Variants in UGT1A10 observed in about 807,000 individuals in gnomAD.
UGT1A10 encodes the protein UDP glucuronosyltransferase family 1 member A10, also known as UDP-glucuronosyltransferase 1A10.
UGT1A10 carries 49 observed loss-of-function variants against 45.8 expected under a neutral mutation model. That is an observed-to-expected ratio of 1.07 (90% CI 0.85 to 1.36). The LOEUF (loss-of-function observed/expected upper bound fraction) is 1.36, where lower values mean the gene tolerates loss of function less well. Ranked by LOEUF, UGT1A10 falls within the 40% of genes most tolerant of loss-of-function variation. UGT1A10 has a pLI of 0.00. For missense variants in UGT1A10, 745 were observed against 668.6 expected, an observed-to-expected ratio of 1.11 and a Z score of -1.26; for synonymous variants, 284 against 249.7, an observed-to-expected ratio of 1.14 and a Z score of -1.29.
intron 1 of UGT1A10, chr2:233,729,916 G>A (rs2077948862): frequency 6.2e-7 from 1 of 1,614,016 alleles, no homozygotes; most frequent in African/African-American, 1.3e-5. Flanking sequence ...CTTTGTGATG[G>A]ACTACCCCAG....
intron 1 of UGT1A10, chr2:233,760,489 A>C (rs756552149): frequency 6.2e-7 from 1 of 1,614,268 alleles, no homozygotes; most frequent in East Asian, 2.2e-5. Context: ...CTCGTTGTAC[A>C]TCAGAGACGG....
chr2:233,713,504 T>A, intron 1 of UGT1A10: 1 of 1,614,014 alleles, frequency 6.2e-7, no homozygotes, highest in Middle Eastern at 1.7e-4. Context: ...CTGCTGTGTT[T>A]TTCTTGAGGA....
intron 1 of UGT1A10, chr2:233,718,893 T>C (rs1280624543): frequency 6.2e-7 from 1 of 1,613,958 alleles, no homozygotes; most frequent in East Asian, 2.2e-5. Context: ...TGTCCAGCCC[T>C]GGGCTGAGAG....
At chr2:233,664,724 C>T (rs780513850) in intron 1 of UGT1A10, among the ~76,000 whole-genome samples, 4 of 152,204 alleles carry the variant, frequency 2.6e-5, no homozygotes, top group Non-Finnish European at 5.9e-5. Flanking sequence ...AAACACCTCC[C>T]ACCAGGCCCC....
At chr2:233,718,023 A>C (rs1438994105) in intron 1 of UGT1A10, 4 of 389,712 alleles carry the variant, frequency 1.0e-5, no homozygotes, top group African/African-American at 4.2e-5. Flanking sequence ...CCAGCTCCCC[A>C]GGTCCTTTGG....
At chr2:233,721,730 G>T (rs1364085120) in intron 1 of UGT1A10, 2 of 416,714 alleles carry the variant, frequency 4.8e-6, no homozygotes, top group South Asian at 3.7e-5. Flanking sequence ...ACTTGGATAA[G>T]CTTAATGATG....
intron 1 of UGT1A10, among the ~76,000 whole-genome samples, chr2:233,677,554 A>T (rs1326640817): frequency 1.3e-5 from 2 of 152,206 alleles, no homozygotes; most frequent in Admixed American, 6.5e-5. Context: ...AAATGTTATT[A>T]AAAAACGTAA....
chr2:233,772,573 A>C lies in UGT1A10; in HGVS notation c.*14A>C. 1.9e-6 allele frequency: 3 copies of C among 1,610,688 alleles called. No homozygotes were observed. Among genetic ancestry groups the C allele is most frequent in the Non-Finnish European group, 2.5e-6 (3 of 1,178,166 alleles). On this transcript the variant is annotated 3_prime_UTR_variant, in exon 5 of 5. Coordinates refer to ENST00000344644, the MANE Select transcript of UGT1A10 (RefSeq NM_019075.4). ...AAGACCCATTGAGAAGTGGGTGGGA[A>C]ATAAGGTAAAATTTTGAACCATTCC...
intron 1 of UGT1A10, among the ~76,000 whole-genome samples, chr2:233,650,784 A>G (rs1258224164): frequency 6.6e-6 from 1 of 152,166 alleles, no homozygotes; most frequent in Non-Finnish European, 1.5e-5. Context: ...TCCTATTCAG[A>G]CATGTTTTAA....
In UGT1A10 at chr2:233,769,577, T is replaced by C. The variant is rs780547888; in HGVS notation, c.1295+1138T>C. 1 of 1,612,862 alleles carries C rather than the reference T, an allele frequency of 6.2e-7. No homozygotes were observed. The highest frequency in any genetic ancestry group is 1.1e-5 in the South Asian group (1 of 91,064). ...ACAGATGTGAAGAGCTGGAGCATGTTCAGATGAGAGGAGACGGAACACGGG... is the reference window on the plus strand; with the variant it reads ...ACAGATGTGAAGAGCTGGAGCATGTCCAGATGAGAGGAGACGGAACACGGG... On this transcript the variant is annotated intron_variant, in intron 4 of 4. Transcript: ENST00000344644. The surrounding 1 kb of genome is among the most constrained non-coding windows in gnomAD (Gnocchi z 4.4).
intron 1 of UGT1A10, chr2:233,747,857 C>G: frequency 6.2e-7 from 1 of 1,613,516 alleles, no homozygotes. Flanking sequence ...AGAACATGCT[C>G]TACCCTCTGG....
At chr2:233,721,562 G>T in intron 1 of UGT1A10, 1 of 161,272 alleles carries the variant, frequency 6.2e-6, no homozygotes, top group Non-Finnish European at 1.4e-5. Flanking sequence ...GTTTCTTCTG[G>T]GATATCTTTT....
rs565810764 is a variant in UGT1A10 at position 233,741,358 on chromosome 2, A to G, written c.856-25676A>G. ...GTAGTGATTTCCAACACACAAAACC[A>G]CAATGAAACTGCCCATGCCTTTCTA... On this transcript the variant is annotated intron_variant, in intron 1 of 4. Coordinates refer to ENST00000344644, the MANE Select transcript of UGT1A10 (RefSeq NM_019075.4). Among the ~76,000 whole-genome samples the G allele has an allele frequency of 2.0e-5, 3 of 151,842 alleles. No individual in the cohort carries two copies. In the East Asian group the frequency reaches 5.8e-4, roughly 29 times the overall value.
chr2:233,672,699 G>A (rs1194232610), intron 1 of UGT1A10: 31 of 1,613,880 alleles, frequency 1.9e-5, no homozygotes, highest in Admixed American at 5.0e-5. Flanking sequence ...TGTTGCGAAC[G>A]GACTTTGTTT....
intron 1 of UGT1A10, chr2:233,748,212 G>A (rs1693895532): frequency 2.0e-6 from 3 of 1,495,994 alleles, no homozygotes; most frequent in Non-Finnish European, 2.7e-6. Flanking sequence ...ATAGCCTTCA[G>A]TGAGATAAAC....
intron 1 of UGT1A10, chr2:233,760,598 C>A (rs1373476296): frequency 6.2e-7 from 1 of 1,614,208 alleles, no homozygotes; most frequent in East Asian, 2.2e-5. Context: ...GAGAATGATT[C>A]TTTCCTGCAG....
intron 1 of UGT1A10, chr2:233,682,660 A>G (rs1394125690): frequency 6.2e-7 from 1 of 1,613,880 alleles, no homozygotes; most frequent in Admixed American, 1.7e-5. Context: ...CTGTCACGGC[A>G]TATGATCTCT....
At chr2:233,646,845 T>A (rs1381899183) in intron 1 of UGT1A10, among the ~76,000 whole-genome samples, 1 of 152,236 alleles carries the variant, frequency 6.6e-6, no homozygotes, top group African/African-American at 2.4e-5. Flanking sequence ...AGTTCTAAAG[T>A]CCCTTCCACG....
intron 1 of UGT1A10, among the ~76,000 whole-genome samples, chr2:233,726,473 A>T (rs2077534267): frequency 6.6e-6 from 1 of 152,158 alleles, no homozygotes; most frequent in Non-Finnish European, 1.5e-5. Flanking sequence ...TCTTTAACAG[A>T]AATTTCCTTT....
Sources: gnomAD v4.1 joint callset for allele counts (sites outside exome capture counted in the v4.1 genomes callset) on GRCh38, gnomAD v4.1.1 for gene constraint, Gnocchi (gnomAD v3.1) non-coding constraint, MANE v1.5 for transcripts, NCBI Gene and HGNC (gene_info 2026-07-23, HGNC 2026-07-21) for gene names.